The following MAGI1 variants were observed in gnomAD, a reference collection of about 807,000 sequenced individuals.
The protein encoded by MAGI1 is membrane associated guanylate kinase, WW and PDZ domain containing 1.
In MAGI1, 58 loss-of-function variants were observed where a neutral mutation model predicts 139.9. That is an observed-to-expected ratio of 0.41 (90% CI 0.34 to 0.52). The LOEUF is 0.52. Ranked by LOEUF, MAGI1 falls within the 20% of genes least tolerant of loss-of-function variation. The probability of loss-of-function intolerance (pLI) is 0.12; values close to 1 mark genes in which losing one functional copy is unlikely to be tolerated. For missense variants in MAGI1, 1,874 were observed against 1,901.6 expected (o/e 0.99, Z 0.27); for synonymous variants, 812 against 737.9 (o/e 1.10, Z -1.63).
intron 1 of MAGI1, among the ~76,000 whole-genome samples, chr3:65,859,938 T>C (rs1292006715): frequency 5.3e-5 from 8 of 151,642 alleles, no homozygotes; most frequent in Admixed American, 4.6e-4. Flanking sequence ...ATTTTGCTAT[T>C]GTTGCCCAGG....
chr3:65,711,700 G>C (rs1365918403), intron 1 of MAGI1, among the ~76,000 whole-genome samples: 1 of 152,176 alleles, frequency 6.6e-6, no homozygotes, highest in Admixed American at 6.5e-5. Context: ...GAATGAGCAT[G>C]TATCCAGCAG....
chr3:65,690,405 T>C (rs1374640765), intron 1 of MAGI1, among the ~76,000 whole-genome samples: 1 of 152,202 alleles, frequency 6.6e-6, no homozygotes. Context: ...TTAGCAGAAA[T>C]GTTTTAAAAT....
intron 1 of MAGI1, among the ~76,000 whole-genome samples, chr3:66,016,955 GA>G (rs1181222778): frequency 3.3e-5 from 5 of 150,918 alleles, no homozygotes; most frequent in Admixed American, 6.6e-5. Context: ...AATTCACAGA[GA>G]AAGAAATTTA....
chr3:65,740,593 A>G (rs962212112), intron 1 of MAGI1, among the ~76,000 whole-genome samples: 1 of 152,180 alleles, frequency 6.6e-6, no homozygotes, highest in Non-Finnish European at 1.5e-5. Flanking sequence ...GTCTCAGGAA[A>G]ATCCCAGTGA....
At chr3:65,806,720 T>A (rs1190811096) in intron 1 of MAGI1, among the ~76,000 whole-genome samples, 1 of 152,188 alleles carries the variant, frequency 6.6e-6, no homozygotes, top group Non-Finnish European at 1.5e-5. Context: ...TGCACACCAA[T>A]CAGTGATGTC....
intron 1 of MAGI1, among the ~76,000 whole-genome samples, chr3:65,691,527 T>C (rs2088653585): frequency 6.6e-6 from 1 of 152,054 alleles, no homozygotes; most frequent in African/African-American, 2.4e-5. Context: ...CCTTTTATAA[T>C]TATTATTTTT....
chr3:65,874,570 G>C (rs1464453050), intron 1 of MAGI1: 1 of 152,196 alleles, frequency 6.6e-6, no homozygotes, highest in Non-Finnish European at 1.5e-5. Context: ...AACACAATGA[G>C]ATCGACTTCA....
intron 14 of MAGI1, 53 bp downstream of exon 14, chr3:65,391,089 G>T: frequency 6.8e-7 from 1 of 1,463,444 alleles, no homozygotes; most frequent in South Asian, 1.2e-5. Flanking sequence ...TCAAGAGAAA[G>T]GTAGAGCCCT....
intron 1 of MAGI1, among the ~76,000 whole-genome samples, chr3:65,747,830 A>G (rs1576987580): frequency 6.6e-6 from 1 of 152,200 alleles, no homozygotes; most frequent in Admixed American, 6.5e-5. Context: ...GGGGAAAAAA[A>G]GAGTCTAAAA....
chr3:65,702,292 A>G (rs868281095), intron 1 of MAGI1, among the ~76,000 whole-genome samples: 8 of 152,276 alleles, frequency 5.3e-5, no homozygotes, highest in African/African-American at 1.4e-4. Flanking sequence ...ACGCACAAAC[A>G]CAACAAACCA....
intron 1 of MAGI1, among the ~76,000 whole-genome samples, chr3:65,741,934 C>G (rs377440473): frequency 6.6e-6 from 1 of 152,086 alleles, no homozygotes; most frequent in African/African-American, 2.4e-5. Flanking sequence ...GTGTCATGCC[C>G]GGAACTAGGT....
In MAGI1 at chr3:65,775,350, G is replaced by A. The variant is rs550347597; in HGVS notation, c.314-153262C>T. Among the ~76,000 whole-genome samples, 10 of 151,634 alleles carry A rather than the reference G, an allele frequency of 6.6e-5. 1 individual carries two copies. The highest frequency in any genetic ancestry group is 2.4e-4 in the African/African-American group (10 of 41,284). On this transcript the variant is annotated intron_variant, in intron 1 of 22. Transcript: ENST00000402939. ...TGTAGTATCAGCTACTTGGGAGACT[G>A]AGGCAGGAGTATCATTTGAGCCTAG...
rs74452518 is a variant in MAGI1 at position 65,842,391 on chromosome 3, G to A, written c.313+195605C>T. Among the ~76,000 whole-genome samples, 613 of 145,584 alleles carry A rather than the reference G, an allele frequency of 4.2e-3. 7 individuals carry two copies. The highest frequency in any genetic ancestry group is 0.033 in the Admixed American group (477 of 14,512). On this transcript the variant is annotated intron_variant, in intron 1 of 22. Transcript: ENST00000402939. ...TTTTTTTTTTTTGACACGGAGTTTCGCTCTTGTTGCCCAGGCTGGAGTGCA... is the reference window on the plus strand; with the variant it reads ...TTTTTTTTTTTTGACACGGAGTTTCACTCTTGTTGCCCAGGCTGGAGTGCA...
At chr3:65,763,744 A>G (rs2037231895) in intron 1 of MAGI1, among the ~76,000 whole-genome samples, 1 of 151,694 alleles carries the variant, frequency 6.6e-6, no homozygotes, top group Non-Finnish European at 1.5e-5. Context: ...ATATCGCACA[A>G]GTGCTTTTAA....
In MAGI1 at chr3:65,523,691, T is replaced by A. The variant is rs143037982; in HGVS notation, c.431-30060A>T. 3.5e-3 allele frequency among the ~76,000 whole-genome samples: 527 copies of A among 152,250 alleles called. 4 individuals are homozygous for A. The highest frequency in any genetic ancestry group is 0.012 in the African/African-American group (507 of 41,554). ...CCTCATGTGCTTGAAAAGGAACTCATATGTAAGTTAGAACTCAACTGCACA... is the reference window on the plus strand; with the variant it reads ...CCTCATGTGCTTGAAAAGGAACTCAAATGTAAGTTAGAACTCAACTGCACA... On this transcript the variant is annotated intron_variant, in intron 2 of 22. Coordinates refer to ENST00000402939, the MANE Select transcript of MAGI1 (RefSeq NM_001033057.2).
At chr3:65,895,298 C>A (rs1352246752) in intron 1 of MAGI1, among the ~76,000 whole-genome samples, 1 of 152,208 alleles carries the variant, frequency 6.6e-6, no homozygotes, top group Middle Eastern at 3.2e-3. Context: ...CCATTCAAAA[C>A]TTCAGCACCT....
intron 1 of MAGI1, among the ~76,000 whole-genome samples, chr3:65,862,052 CT>C (rs974616895): frequency 1.3e-5 from 2 of 152,176 alleles, no homozygotes; most frequent in Non-Finnish European, 2.9e-5. Context: ...CAATTCTTCT[CT>C]TTGCACTATG....
intron 1 of MAGI1, among the ~76,000 whole-genome samples, chr3:65,764,070 T>G (rs555391646): frequency 8.4e-6 from 1 of 118,510 alleles, no homozygotes; most frequent in Non-Finnish European, 1.7e-5. Context: ...AGACCCTGTC[T>G]CAAAAGAAAA....
chr3:65,498,670 G>A (rs2076967176), intron 2 of MAGI1, among the ~76,000 whole-genome samples: 1 of 152,174 alleles, frequency 6.6e-6, no homozygotes. Flanking sequence ...GCCATGGTCT[G>A]TCTGAACACA....
Sources: gnomAD v4.1 joint callset for allele counts (sites outside exome capture counted in the v4.1 genomes callset) on GRCh38, gnomAD v4.1.1 for gene constraint, MANE v1.5 for transcripts, NCBI Gene and HGNC (gene_info 2026-07-23, HGNC 2026-07-21) for gene names.